Variants in GLT6D1 observed in about 807,000 individuals in gnomAD.
The protein encoded by GLT6D1 is putative glycosyltransferase 6 domain-containing protein 1.
A neutral mutation model predicts 12.3 loss-of-function variants in GLT6D1; 9 were observed. The ratio of observed to expected loss-of-function variants is 0.73; its 90% CI spans 0.44 to 1.27. GLT6D1 has a LOEUF of 1.27. Among genes scored for constraint, GLT6D1 ranks in the 50% most tolerant of loss-of-function variants. The pLI, the probability that GLT6D1 is intolerant of heterozygous loss-of-function variation, is 0.00. For synonymous variants in GLT6D1, 128 were observed against 132.3 expected (o/e 0.97, Z 0.23); for missense variants, 335 against 346.2 (o/e 0.97, Z 0.26).
chr9:135,632,537 A>G (rs997612345), intron 2 of GLT6D1, among the ~76,000 whole-genome samples: 2 of 152,206 alleles, frequency 1.3e-5, no homozygotes, highest in African/African-American at 4.8e-5. Context: ...GAACTTAATA[A>G]AAAGTCCCCA....
chr9:135,632,137 A>ATTGT (rs1833663237), intron 2 of GLT6D1, among the ~76,000 whole-genome samples: 1 of 144,120 alleles, frequency 6.9e-6, no homozygotes, highest in Non-Finnish European at 1.5e-5. Context: ...CCTGGGAGCA[A>ATTGT]TTTTTTTTTT....
intron 3 of GLT6D1, among the ~76,000 whole-genome samples, chr9:135,630,205 A>C (rs1833609127): frequency 1.3e-5 from 2 of 152,036 alleles, no homozygotes; most frequent in Non-Finnish European, 2.9e-5. Flanking sequence ...GGAGATCGAG[A>C]CCATCCTGGC....
At chr9:135,629,953 C>A (rs765624429) in intron 3 of GLT6D1, among the ~76,000 whole-genome samples, 7 of 151,998 alleles carry the variant, frequency 4.6e-5, no homozygotes, top group Non-Finnish European at 8.8e-5. Flanking sequence ...CTTTTCAATT[C>A]TTTTAGTTAA....
chr9:135,626,255 G>A (rs7033170), intron 3 of GLT6D1, 49 bp from the exon 4 acceptor site: 125 of 1,601,100 alleles, frequency 7.8e-5, no homozygotes, highest in African/African-American at 5.5e-4. Flanking sequence ...CTGAGGCGCC[G>A]GCAGCAGGTG....
chr9:135,632,874 G>C (rs948675158), intron 2 of GLT6D1, among the ~76,000 whole-genome samples: 1 of 152,028 alleles, frequency 6.6e-6, no homozygotes, highest in Non-Finnish European at 1.5e-5. Context: ...CACAATGTTG[G>C]CCAGGATGGT....
At chr9:135,637,759 A>T (rs1833807966) in intron 2 of GLT6D1, among the ~76,000 whole-genome samples, 2 of 152,132 alleles carry the variant, frequency 1.3e-5, no homozygotes, top group African/African-American at 4.8e-5. Context: ...TTTAATTTTT[A>T]AATTTAGGTG....
chr9:135,638,631 C>T (rs182824506), intron 2 of GLT6D1, among the ~76,000 whole-genome samples: 3 of 152,244 alleles, frequency 2.0e-5, no homozygotes, highest in South Asian at 2.1e-4. Flanking sequence ...TCCCTGAGGA[C>T]AGGCACTTTC....
chr9:135,632,934 C>G (rs1485762337), intron 2 of GLT6D1, among the ~76,000 whole-genome samples: 1 of 152,200 alleles, frequency 6.6e-6, no homozygotes, highest in African/African-American at 2.4e-5. Context: ...TCCCAGAGTG[C>G]TGGGATTACA....
At chr9:135,625,908 T>A (rs761039015) in intron 4 of GLT6D1, among the ~76,000 whole-genome samples, 161 bp downstream of exon 4, 1 of 152,200 alleles carries the variant, frequency 6.6e-6, no homozygotes, top group Non-Finnish European at 1.5e-5. Context: ...TTGAGTCCCT[T>A]ATTTGGGTTT....
At chr9:135,626,026 C>A (rs1207885955) in intron 4 of GLT6D1, 43 bp downstream of exon 4, 1 of 1,607,558 alleles carries the variant, frequency 6.2e-7, no homozygotes, top group East Asian at 2.2e-5. Context: ...TGCTGATCCA[C>A]ATTTTCCCAA....
intron 2 of GLT6D1, among the ~76,000 whole-genome samples, chr9:135,635,574 G>T (rs940092621): frequency 8.5e-5 from 13 of 152,298 alleles, no homozygotes; most frequent in African/African-American, 2.9e-4. Context: ...ACCAAGATCT[G>T]TTGCTTTCCT....
chr9:135,628,222 T>G (rs185923076), intron 3 of GLT6D1, among the ~76,000 whole-genome samples: 3 of 152,244 alleles, frequency 2.0e-5, no homozygotes, highest in Non-Finnish European at 4.4e-5. Flanking sequence ...ATTGTTGTTG[T>G]ACTTTTGACT....
intron 2 of GLT6D1, among the ~76,000 whole-genome samples, chr9:135,634,774 A>G (rs1833733383): frequency 6.6e-6 from 1 of 150,582 alleles, no homozygotes; most frequent in Non-Finnish European, 1.5e-5. Context: ...TCTGGATCCC[A>G]CCCAGCACGC....
intron 3 of GLT6D1, among the ~76,000 whole-genome samples, chr9:135,628,155 T>G (rs533729933): frequency 6.6e-6 from 1 of 152,302 alleles, no homozygotes; most frequent in Admixed American, 6.5e-5. Flanking sequence ...TTCTTGATAA[T>G]GTCCTTTGAT....
chr9:135,631,415 G>A lies in GLT6D1; in HGVS notation c.119+16C>T, dbSNP rs369759198. 1.3e-6 allele frequency: 2 copies of A among 1,594,242 alleles called. No individual in the cohort carries two copies. Among genetic ancestry groups the A allele is most frequent in the African/African-American group, 1.3e-5 (1 of 74,494 alleles). On this transcript the variant is annotated intron_variant, in intron 3 of 4. Transcript: ENST00000371763. ...ATTGTTTGTGTGTGCATGTAAACAG[G>A]CATTTTTGTTCTTACCTAGGATGAA...
intron 3 of GLT6D1, among the ~76,000 whole-genome samples, chr9:135,627,172 A>C (rs1833542153): frequency 6.6e-6 from 1 of 152,122 alleles, no homozygotes; most frequent in Non-Finnish European, 1.5e-5. Context: ...ATTGGGAAGG[A>C]AAAAAACAAC....
chr9:135,627,150 A>C (rs922391041), intron 3 of GLT6D1, among the ~76,000 whole-genome samples: 1 of 152,204 alleles, frequency 6.6e-6, no homozygotes, highest in African/African-American at 2.4e-5. Flanking sequence ...AAAATGAAAT[A>C]AAAGCCAGCA....
chr9:135,623,778 A>C lies in GLT6D1; in HGVS notation c.*319T>G. On this transcript the variant is annotated 3_prime_UTR_variant, in exon 5 of 5. Transcript: ENST00000371763. ...TCAAATGTATTTTCACATTGTCTAC[A>C]ATACATAGATAATAACATTACTGTG... is the stretch of plus-strand genomic sequence containing the variant. 1 of 215,948 alleles carries C rather than the reference A, an allele frequency of 4.6e-6. No homozygotes were observed. Among genetic ancestry groups the C allele is most frequent in the Non-Finnish European group, 9.1e-6 (1 of 109,496 alleles). The allele number at this position is 215,948 out of a possible 1,614,324, so 13.4% of individuals were successfully genotyped here.
At chr9:135,634,019 C>T (rs561587899) in intron 2 of GLT6D1, among the ~76,000 whole-genome samples, 21 of 152,318 alleles carry the variant, frequency 1.4e-4, no homozygotes, top group Admixed American at 1.4e-3. Context: ...TATCCTCAAA[C>T]AGAGCATCTG....
Sources: gnomAD v4.1 joint callset for allele counts (sites outside exome capture counted in the v4.1 genomes callset) on GRCh38, gnomAD v4.1.1 for gene constraint, MANE v1.5 for transcripts, NCBI Gene and HGNC (gene_info 2026-07-23, HGNC 2026-07-21) for gene names.